Variants in CNBD1 observed in about 807,000 individuals in gnomAD.
The protein encoded by CNBD1 is cyclic nucleotide binding domain containing 1.
In CNBD1, 71 loss-of-function variants were observed where a neutral mutation model predicts 54.4. That is an observed-to-expected ratio of 1.30 (90% CI 1.08 to 1.59). CNBD1 has a LOEUF of 1.59. Ranked by LOEUF, CNBD1 falls within the 40% of genes most tolerant of loss-of-function variation. CNBD1 has a pLI of 0.00. For missense variants in CNBD1, 659 were observed against 518.0 expected (o/e 1.27, Z -2.64); for synonymous variants, 182 against 170.7 (o/e 1.07, Z -0.51).
intron 4 of CNBD1, among the ~76,000 whole-genome samples, chr8:87,132,461 G>C (rs2130727945): frequency 6.6e-6 from 1 of 150,952 alleles, no homozygotes; most frequent in Non-Finnish European, 1.5e-5. Context: ...ATGCCATTTT[G>C]GAAGTTCAGT....
chr8:87,266,251 G>A (rs974724864), intron 6 of CNBD1, among the ~76,000 whole-genome samples: 4 of 151,240 alleles, frequency 2.6e-5, no homozygotes, highest in Non-Finnish European at 4.4e-5. Flanking sequence ...ATACCAAAGA[G>A]CAAAAGGCTA....
intron 3 of CNBD1, among the ~76,000 whole-genome samples, chr8:86,933,426 A>G (rs1809490885): frequency 6.6e-6 from 1 of 152,216 alleles, no homozygotes; most frequent in Admixed American, 6.5e-5. Flanking sequence ...TGAATGAATT[A>G]GTCATTAAAT....
At chr8:87,183,024 C>A (rs1487329166) in intron 4 of CNBD1, among the ~76,000 whole-genome samples, 3 of 152,074 alleles carry the variant, frequency 2.0e-5, no homozygotes, top group Non-Finnish European at 4.4e-5. Flanking sequence ...AGGGTTCTTA[C>A]AATTTAGGGT....
At chr8:86,995,689 GGTGTGT>G (rs5893006) in intron 4 of CNBD1, among the ~76,000 whole-genome samples, 4 of 149,546 alleles carry the variant, frequency 2.7e-5, no homozygotes, top group Admixed American at 6.7e-5. Flanking sequence ...GTGTATGGGT[GGTGTGT>G]GTGTGTGTGT....
intron 4 of CNBD1, among the ~76,000 whole-genome samples, chr8:86,960,573 C>T (rs1417185932): frequency 2.0e-5 from 3 of 152,186 alleles, no homozygotes; most frequent in African/African-American, 7.2e-5. Flanking sequence ...CATAGCTGAA[C>T]AAAAGACAGC....
chr8:87,182,057 C>G lies in CNBD1; in HGVS notation c.432-23936C>G, dbSNP rs1278559956. On this transcript the variant is annotated intron_variant, in intron 4 of 10. Transcript: ENST00000518476. This position sits in a 1 kb window ranked among gnomAD's most constrained non-coding sequence, Gnocchi z 4.1. ...CCTTCACCCTGCTCCTAACATCTCA[C>G]TTGAAGTATGCCCCAGTGTCTACTT... Among the ~76,000 whole-genome samples the G allele has an allele frequency of 6.6e-6, 1 of 152,138 alleles. No homozygotes were observed. The highest frequency in any genetic ancestry group is 1.9e-4 in the East Asian group (1 of 5,186).
chr8:87,308,124 C>A (rs901914763), intron 8 of CNBD1, among the ~76,000 whole-genome samples: 1 of 152,044 alleles, frequency 6.6e-6, no homozygotes, highest in South Asian at 2.1e-4. Flanking sequence ...CCTGATTGTT[C>A]TAGGAAAAAT....
At chr8:87,154,230 G>A (rs1812667793) in intron 4 of CNBD1, among the ~76,000 whole-genome samples, 1 of 152,154 alleles carries the variant, frequency 6.6e-6, no homozygotes, top group Non-Finnish European at 1.5e-5. Context: ...ATAAAAGGAT[G>A]ACAGTAATAC....
intron 4 of CNBD1, among the ~76,000 whole-genome samples, chr8:87,036,161 T>C (rs1801008980): frequency 6.6e-6 from 1 of 152,220 alleles, no homozygotes; most frequent in East Asian, 1.9e-4. Context: ...TCTATTAACA[T>C]GTTATGAAAA....
intron 2 of CNBD1, among the ~76,000 whole-genome samples, chr8:87,397,069 C>G (rs1055028086): frequency 6.6e-6 from 1 of 151,770 alleles, no homozygotes; most frequent in African/African-American, 2.4e-5. Flanking sequence ...TTTGATCTAT[C>G]TCTAGACTCT....
chr8:86,874,986 T>TATATATATA (rs1554626871), intron 1 of CNBD1, among the ~76,000 whole-genome samples: 6 of 120,118 alleles, frequency 5.0e-5, no homozygotes, highest in African/African-American at 1.0e-4. Context: ...GTAAATCAAT[T>TATATATATA]TATATATATA....
intron 3 of CNBD1, among the ~76,000 whole-genome samples, chr8:86,925,482 A>AGTGTGTGTGTGTGTGT (rs71275894): frequency 7.1e-6 from 1 of 141,730 alleles, no homozygotes; most frequent in African/African-American, 2.7e-5. Flanking sequence ...CTTACCAAAA[A>AGTGTGTGTGTGTGTGT]GTGTGTGTGT....
chr8:87,374,313 C>T (rs906435838), intron 10 of CNBD1, among the ~76,000 whole-genome samples: 1 of 151,680 alleles, frequency 6.6e-6, no homozygotes. Flanking sequence ...TTGATTTTCA[C>T]TCAATTTTTA....
intron 4 of CNBD1, among the ~76,000 whole-genome samples, chr8:87,067,549 A>C (rs967261417): frequency 2.6e-5 from 4 of 151,968 alleles, no homozygotes; most frequent in African/African-American, 4.8e-5. Flanking sequence ...CTTTTTAATG[A>C]ACCAAATACG....
chr8:87,304,189 A>G lies in CNBD1; in HGVS notation c.1042+17518A>G, dbSNP rs1243232380. Among the ~76,000 whole-genome samples the G allele has an allele frequency of 2.6e-5, 4 of 151,964 alleles. No individual in the cohort carries two copies. The South Asian group carries it at 8.3e-4, about 32-fold the overall frequency. On this transcript the variant is annotated intron_variant, in intron 8 of 10. Transcript: ENST00000518476. ...CTGCTATAAAGACACATGCACACGTATGTTTATTGCGGCACTATTCACAAT... is the reference window on the plus strand; with the variant it reads ...CTGCTATAAAGACACATGCACACGTGTGTTTATTGCGGCACTATTCACAAT...
At chr8:87,223,157 C>T (rs1814380779) in intron 5 of CNBD1, among the ~76,000 whole-genome samples, 1 of 150,476 alleles carries the variant, frequency 6.6e-6, no homozygotes. Context: ...ATCAAGTTTG[C>T]CATACGTATT....
At chr8:87,332,598 G>T (rs1044434149) in intron 8 of CNBD1, among the ~76,000 whole-genome samples, 64 of 152,068 alleles carry the variant, frequency 4.2e-4, no homozygotes, top group Non-Finnish European at 6.2e-4. Context: ...TTCTGCATAT[G>T]CCTGGCCAGT....
intron 4 of CNBD1, among the ~76,000 whole-genome samples, chr8:87,176,227 G>A (rs1440044148): frequency 6.6e-6 from 1 of 152,182 alleles, no homozygotes; most frequent in Admixed American, 6.5e-5. Context: ...GTGCTTTTTT[G>A]TGTAGATAGT....
At chr8:87,204,123 T>G (rs2130795890) in intron 4 of CNBD1, among the ~76,000 whole-genome samples, 1 of 152,320 alleles carries the variant, frequency 6.6e-6, no homozygotes, top group Non-Finnish European at 1.5e-5. Context: ...TTCTTTTGGT[T>G]TGCAAGTTCA....
Sources: allele counts gnomAD v4.1 joint callset (sites outside exome capture counted in the v4.1 genomes callset), GRCh38; gene constraint gnomAD v4.1.1; non-coding constraint Gnocchi (gnomAD v3.1); transcripts MANE v1.5; gene names NCBI Gene and HGNC (gene_info 2026-07-23, HGNC 2026-07-21).